Variants in PAK1 observed in about 807,000 individuals in gnomAD.
The protein encoded by PAK1 is p21 (RAC1) activated kinase 1, also known as serine/threonine-protein kinase PAK 1.
A neutral mutation model predicts 67.4 loss-of-function variants in PAK1; 29 were observed. The ratio of observed to expected loss-of-function variants is 0.43; its 90% CI spans 0.32 to 0.59. The LOEUF is 0.59. PAK1 is among the 20% of genes least tolerant of loss of function. The pLI is 0.07. For missense variants in PAK1, 337 were observed against 670.7 expected (o/e 0.50, Z 5.50); for synonymous variants, 223 against 237.4 (o/e 0.94, Z 0.56).
At chr11:77,414,109 C>G (rs1469876897) in intron 1 of PAK1, among the ~76,000 whole-genome samples, 1 of 152,202 alleles carries the variant, frequency 6.6e-6, no homozygotes, top group Non-Finnish European at 1.5e-5. Flanking sequence ...GCTCCAGGAG[C>G]AACGTCCTCC....
chr11:77,519,194 G>A, the PAK1 span, among the ~76,000 whole-genome samples: 1 of 152,078 alleles, frequency 6.6e-6, no homozygotes. Flanking sequence ...GAACAAGGTC[G>A]TTACATTGCA....
At chr11:77,388,575 C>T (rs1432003529) in intron 2 of PAK1, among the ~76,000 whole-genome samples, 1 of 152,116 alleles carries the variant, frequency 6.6e-6, no homozygotes, top group Non-Finnish European at 1.5e-5. Flanking sequence ...GGATGGTCTC[C>T]ATCTCCTGAC....
the PAK1 span, among the ~76,000 whole-genome samples, chr11:77,496,965 G>T: frequency 6.6e-6 from 1 of 152,144 alleles, no homozygotes; most frequent in African/African-American, 2.4e-5. Flanking sequence ...ACTGAAATGG[G>T]TGATTTGAAC....
At chr11:77,332,592 G>C in intron 14 of PAK1, 138 bp downstream of exon 14, 1 of 688,918 alleles carries the variant, frequency 1.5e-6, no homozygotes, top group Non-Finnish European at 2.5e-6. Context: ...TAAAAGGGCA[G>C]TAGGAACAGA....
chr11:77,410,980 A>T (rs1954438253), intron 1 of PAK1, among the ~76,000 whole-genome samples: 1 of 152,080 alleles, frequency 6.6e-6, no homozygotes, highest in African/African-American at 2.4e-5. Context: ...AAGGACAGAA[A>T]AACTGGCCAG....
chr11:77,480,584 C>T, the PAK1 span, among the ~76,000 whole-genome samples: 9 of 140,510 alleles, frequency 6.4e-5, no homozygotes, highest in African/African-American at 2.2e-4. Flanking sequence ...AGTGCAGTGG[C>T]GCAATCTCAA....
chr11:77,503,108 G>A, the PAK1 span, among the ~76,000 whole-genome samples: 9 of 152,132 alleles, frequency 5.9e-5, no homozygotes, highest in Non-Finnish European at 1.3e-4. Flanking sequence ...GGCTGACTCT[G>A]AAAAATGCAT....
chr11:77,451,654 C>CAG (rs559782562), intron 1 of PAK1, among the ~76,000 whole-genome samples: 54 of 142,392 alleles, frequency 3.8e-4, no homozygotes, highest in African/African-American at 1.5e-3. Context: ...GGCTGGAGTG[C>CAG]AGTGGCACGA....
intron 1 of PAK1, among the ~76,000 whole-genome samples, chr11:77,424,846 T>C (rs775196911): frequency 2.6e-5 from 4 of 152,198 alleles, no homozygotes; most frequent in Non-Finnish European, 5.9e-5. Context: ...ACCACAGATG[T>C]CTTGTATCTC....
Position 77,473,737 on chromosome 11 carries a change from G to C in PAK1, c.-207C>G, listed in dbSNP as rs1316800841. ...GGGGAACTGCGAGGGAAGGGATGATGGGGGGGCGGGAGGGAGCGAGGCGAC... is the reference window on the plus strand; with the variant it reads ...GGGGAACTGCGAGGGAAGGGATGATCGGGGGGCGGGAGGGAGCGAGGCGAC... On this transcript the variant is annotated 5_prime_UTR_variant, in exon 1 of 15. Transcript: ENST00000356341. 1 of 151,710 alleles carries C rather than the reference G, an allele frequency of 6.6e-6. No homozygotes were observed. The highest frequency in any genetic ancestry group is 2.4e-5 in the African/African-American group (1 of 41,272). The allele number at this position is 151,710 out of a possible 1,614,324, so 9.4% of individuals were successfully genotyped here.
chr11:77,494,140 GA>G, the PAK1 span, among the ~76,000 whole-genome samples: 1 of 151,722 alleles, frequency 6.6e-6, no homozygotes, highest in African/African-American at 2.4e-5. Context: ...ATCCTACAAA[GA>G]AAAAAAATAG....
chr11:77,474,810 GCTTT>G (rs1311694801), upstream of PAK1: 1 of 152,126 alleles, frequency 6.6e-6, no homozygotes, highest in East Asian at 1.9e-4. Flanking sequence ...TCGACCCAAA[GCTTT>G]CTTTCTCCTG....
intron 4 of PAK1, among the ~76,000 whole-genome samples, chr11:77,376,520 T>C (rs667331): frequency 0.7 from 106,597 of 151,932 alleles, 38,241 homozygotes; most frequent in African/African-American, 0.85. Context: ...GGGTGGATCA[T>C]GAGGTCAATA....
At chr11:77,333,085 G>T (rs558893194) in intron 13 of PAK1, among the ~76,000 whole-genome samples, 2 of 152,104 alleles carry the variant, frequency 1.3e-5, no homozygotes, top group East Asian at 3.9e-4. Context: ...TAGGGATGAT[G>T]ATAATGCCCA....
intron 1 of PAK1, among the ~76,000 whole-genome samples, chr11:77,423,991 G>C (rs1955421618): frequency 6.6e-6 from 1 of 152,156 alleles, no homozygotes; most frequent in Admixed American, 6.5e-5. Context: ...AAGAATATTG[G>C]GGGCTCACAA....
chr11:77,353,213 T>G (rs1200750940), intron 8 of PAK1: 1 of 254,390 alleles, frequency 3.9e-6, no homozygotes, highest in Non-Finnish European at 7.5e-6. Flanking sequence ...CTGGTGGATC[T>G]CAGCACTAGG....
At chr11:77,324,189 T>C (rs1300685790) in intron 14 of PAK1, among the ~76,000 whole-genome samples, 1 of 150,958 alleles carries the variant, frequency 6.6e-6, no homozygotes, top group Non-Finnish European at 1.5e-5. Flanking sequence ...TTTTTTTTTT[T>C]TGAGACGGAG....
chr11:77,327,645 G>A (rs1406719690), intron 14 of PAK1, among the ~76,000 whole-genome samples: 6 of 150,864 alleles, frequency 4.0e-5, no homozygotes, highest in African/African-American at 1.5e-4. Context: ...CACTAAACAT[G>A]GAAAGGAACA....
intron 1 of PAK1, among the ~76,000 whole-genome samples, chr11:77,393,831 C>T (rs1377956406): frequency 3.3e-5 from 5 of 152,020 alleles, no homozygotes; most frequent in Admixed American, 6.6e-5. Flanking sequence ...GTTGAAACCC[C>T]CTCTCCACTA....
Sources: allele counts gnomAD v4.1 joint callset (sites outside exome capture counted in the v4.1 genomes callset), GRCh38; gene constraint gnomAD v4.1.1; transcripts MANE v1.5; gene names NCBI Gene and HGNC (gene_info 2026-07-23, HGNC 2026-07-21).